Variants in KIRREL3 observed in about 807,000 individuals in gnomAD.
The protein encoded by KIRREL3 is kin of IRRE-like protein 3.
Under a neutral mutation model 89.7 loss-of-function variants are expected in KIRREL3, and 36 were observed. The ratio of observed to expected loss-of-function variants is 0.40; its 90% CI spans 0.31 to 0.53. The LOEUF (loss-of-function observed/expected upper bound fraction) is 0.53, where lower values mean the gene tolerates loss of function less well. KIRREL3 is among the 20% of genes least tolerant of loss of function. KIRREL3 has a pLI of 0.49. For synonymous variants in KIRREL3, 445 were observed against 441.4 expected, an observed-to-expected ratio of 1.01 and a Z score of -0.10; for missense variants, 864 against 1,056.6, an observed-to-expected ratio of 0.82 and a Z score of 2.53.
rs1287997328 is a variant in KIRREL3 at position 126,497,131 on chromosome 11, T to TGTGA, written c.434-23666_434-23665insTCAC. 2.6e-5 allele frequency among the ~76,000 whole-genome samples: 4 copies of TGTGA among 151,176 alleles called. No individual in the cohort carries two copies. In the South Asian group the frequency reaches 6.3e-4, roughly 24 times the overall value. On this transcript the variant is annotated intron_variant, in intron 4 of 16. Transcript: ENST00000525144. ...TTGGCTGTGTGTGTGTGTGTGTGTG[T>TGTGA]GACAGAGAGAGAGCGAGAGAGTGTG...
Position 126,623,175 on chromosome 11 carries a change from C to G in KIRREL3, c.56-60263G>C, listed in dbSNP as rs929568203. ...TTTGTCTAAGGTGACAGAGCCCAAA[C>G]CCACTAACAGGACAGTTTTCTTCAC... On this transcript the variant is annotated intron_variant, in intron 1 of 16. Coordinates refer to ENST00000525144, the MANE Select transcript of KIRREL3 (RefSeq NM_032531.4). This position sits in a 1 kb window ranked among gnomAD's most constrained non-coding sequence, Gnocchi z 4.1. 1.3e-5 allele frequency among the ~76,000 whole-genome samples: 2 copies of G among 152,188 alleles called. No homozygotes were observed. Among genetic ancestry groups the G allele is most frequent in the Non-Finnish European group, 2.9e-5 (2 of 68,034 alleles).
chr11:126,473,097 CCCCTCTCCTCTTAGG>C (rs2134283105), intron 5 of KIRREL3, among the ~76,000 whole-genome samples, 197 bp downstream of exon 5: 1 of 41,794 alleles, frequency 2.4e-5, no homozygotes, highest in East Asian at 8.1e-4. Flanking sequence ...AACCCCCCAG[CCCCTCTCCTCTTAGG>C]CCCCCATCTA....
chr11:126,520,311 C>T lies in KIRREL3; in HGVS notation c.433+1004G>A, dbSNP rs1451439430. Among the ~76,000 whole-genome samples the T allele has an allele frequency of 6.6e-6, 1 of 152,210 alleles. No individual in the cohort carries two copies. Among genetic ancestry groups the T allele is most frequent in the Non-Finnish European group, 1.5e-5 (1 of 68,034 alleles). ...TTCCCACTTCCCTCCTGCACGCGTGCCTGGCACAGACTCACGTGTAAGGGG... is the reference window on the plus strand; with the variant it reads ...TTCCCACTTCCCTCCTGCACGCGTGTCTGGCACAGACTCACGTGTAAGGGG... On this transcript the variant is annotated intron_variant, in intron 4 of 16. Coordinates refer to ENST00000525144, the MANE Select transcript of KIRREL3 (RefSeq NM_032531.4). This position sits in a 1 kb window ranked among gnomAD's most constrained non-coding sequence, Gnocchi z 4.9.
intron 1 of KIRREL3, among the ~76,000 whole-genome samples, chr11:126,971,117 G>T (rs2135213842): frequency 6.6e-6 from 1 of 152,228 alleles, no homozygotes; most frequent in East Asian, 1.9e-4. Flanking sequence ...TATTTAGGTG[G>T]TTTTTGACTA....
At chr11:126,510,604 C>A (rs1456405139) in intron 4 of KIRREL3, among the ~76,000 whole-genome samples, 1 of 152,104 alleles carries the variant, frequency 6.6e-6, no homozygotes, top group African/African-American at 2.4e-5. Flanking sequence ...GCTACCCTGG[C>A]TCTGTTTCCA....
At chr11:126,648,994 T>C (rs1402481715) in intron 1 of KIRREL3, among the ~76,000 whole-genome samples, 1 of 152,128 alleles carries the variant, frequency 6.6e-6, no homozygotes, top group Non-Finnish European at 1.5e-5. Flanking sequence ...TCCACATGGG[T>C]GGGGAGGCCT....
In KIRREL3 at chr11:126,669,636, CA is replaced by C. The variant is rs1479528491; in HGVS notation, c.56-106725del. Among the ~76,000 whole-genome samples, 1 of 152,164 alleles carries C rather than the reference CA, an allele frequency of 6.6e-6. No homozygotes were observed. The highest frequency in any genetic ancestry group is 1.5e-5 in the Non-Finnish European group (1 of 68,044). ...AAGCCCTCCCACGAGTCAGATTACCCAGTCAGCCAGTAAATGTTGGAGGACT... is the reference window on the plus strand; with the variant it reads ...AAGCCCTCCCACGAGTCAGATTACCCGTCAGCCAGTAAATGTTGGAGGACT... On this transcript the variant is annotated intron_variant, in intron 1 of 16. Coordinates refer to ENST00000525144, the MANE Select transcript of KIRREL3 (RefSeq NM_032531.4). This position sits in a 1 kb window ranked among gnomAD's most constrained non-coding sequence, Gnocchi z 5.0.
chr11:126,580,444 G>C (rs552090456), intron 1 of KIRREL3, among the ~76,000 whole-genome samples: 9 of 152,292 alleles, frequency 5.9e-5, no homozygotes, highest in African/African-American at 1.9e-4. Context: ...AATGGCTTGA[G>C]CCAAGGGTTC....
chr11:126,448,279 C>CAAAAAAAAAAA (rs55787866), intron 8 of KIRREL3, among the ~76,000 whole-genome samples: 12 of 95,334 alleles, frequency 1.3e-4, no homozygotes, highest in South Asian at 7.0e-4. Context: ...GAGACTGTCT[C>CAAAAAAAAAAA]AAAAAAAAAA....
chr11:126,686,835 TC>T lies in KIRREL3; in HGVS notation c.56-123924del, dbSNP rs763286514. On this transcript the variant is annotated intron_variant, in intron 1 of 16. Coordinates refer to ENST00000525144, the MANE Select transcript of KIRREL3 (RefSeq NM_032531.4). This position sits in a 1 kb window ranked among gnomAD's most constrained non-coding sequence, Gnocchi z 4.7. ...CTCAAGTGATTCACCCACCTTGGCC[TC>T]CCAAAGTGCCAGGATTACAGGTGTG... 1.4e-3 allele frequency among the ~76,000 whole-genome samples: 215 copies of T among 152,290 alleles called. 1 individual carries two copies. In the Middle Eastern group the frequency reaches 0.017, roughly 12 times the overall value.
Position 126,531,524 on chromosome 11 carries a change from T to A in KIRREL3, c.134-4837A>T, listed in dbSNP as rs1892931. ...GTCACCTGCCTCGAGTTCTCCTCGATGTTTCATTGTCCTGGGATGCACTGC... is the reference window on the plus strand; with the variant it reads ...GTCACCTGCCTCGAGTTCTCCTCGAAGTTTCATTGTCCTGGGATGCACTGC... On this transcript the variant is annotated intron_variant, in intron 2 of 16. Transcript: ENST00000525144. This position sits in a 1 kb window ranked among gnomAD's most constrained non-coding sequence, Gnocchi z 4.7. Among the ~76,000 whole-genome samples the A allele has an allele frequency of 6.6e-6, 1 of 150,570 alleles. No individual in the cohort carries two copies. Among genetic ancestry groups the A allele is most frequent in the East Asian group, 2.0e-4 (1 of 4,998 alleles).
chr11:126,474,986 C>T lies in KIRREL3; in HGVS notation c.434-1520G>A, dbSNP rs1957024512. Among the ~76,000 whole-genome samples the T allele has an allele frequency of 6.6e-6, 1 of 152,166 alleles. No individual in the cohort carries two copies. Among genetic ancestry groups the T allele is most frequent in the Non-Finnish European group, 1.5e-5 (1 of 68,020 alleles). On this transcript the variant is annotated intron_variant, in intron 4 of 16. Coordinates refer to ENST00000525144, the MANE Select transcript of KIRREL3 (RefSeq NM_032531.4). This position sits in a 1 kb window ranked among gnomAD's most constrained non-coding sequence, Gnocchi z 6.7. Reference sequence around the variant, plus strand: ...TGAGGCGACTGTCCTCTGAGGAATCCCTGTTTCCCTTACCCCAGGAGGAGC... The same window carrying T: ...TGAGGCGACTGTCCTCTGAGGAATCTCTGTTTCCCTTACCCCAGGAGGAGC...
rs919260746 is a variant in KIRREL3, at chr11:126,429,266, G to A, written c.1719C>T (p.Ala573=). ...CAATTTCCACTCGGATATCATTTTT[G>A]GCTGACACAACACCTTTGAGATCTG... ...SQRNLKGVVS[A]KNDIRVEIVH... The change falls in exon 15 of 17, where the codon GCC becomes GCT. Residue 573 remains alanine, a synonymous_variant. Coordinates refer to ENST00000525144, the MANE Select transcript of KIRREL3 (RefSeq NM_032531.4). The surrounding 1 kb of genome is among the most constrained non-coding windows in gnomAD (Gnocchi z 5.2). 14 of 1,613,452 alleles carry A rather than the reference G, an allele frequency of 8.7e-6. No homozygotes were observed. The highest frequency in any genetic ancestry group is 1.2e-5 in the Non-Finnish European group (14 of 1,179,524).
chr11:126,735,372 A>G (rs547866318), intron 1 of KIRREL3, among the ~76,000 whole-genome samples: 1 of 152,290 alleles, frequency 6.6e-6, no homozygotes, highest in African/African-American at 2.4e-5. Flanking sequence ...AACAGAGACC[A>G]TTGCATGACC....
At chr11:126,512,925 G>A (rs1431344166) in intron 4 of KIRREL3, among the ~76,000 whole-genome samples, 1 of 152,156 alleles carries the variant, frequency 6.6e-6, no homozygotes, top group Non-Finnish European at 1.5e-5. Context: ...TGGAGAGGGC[G>A]GGCCCTGAGA....
In KIRREL3 at chr11:126,761,555, G is replaced by A. The variant is rs191084857; in HGVS notation, c.56-198643C>T. ...GGGAAGTGTCAAGATTAGTAAACAGGAAGAGGATTTGGAAGCTAAATGCAT... is the reference window on the plus strand; with the variant it reads ...GGGAAGTGTCAAGATTAGTAAACAGAAAGAGGATTTGGAAGCTAAATGCAT... On this transcript the variant is annotated intron_variant, in intron 1 of 16. Transcript: ENST00000525144. This position sits in a 1 kb window ranked among gnomAD's most constrained non-coding sequence, Gnocchi z 4.4. 6.6e-6 allele frequency among the ~76,000 whole-genome samples: 1 copy of A among 152,222 alleles called. No homozygotes were observed.
intron 1 of KIRREL3, among the ~76,000 whole-genome samples, chr11:126,745,589 C>G (rs919429130): frequency 3.3e-5 from 5 of 151,978 alleles, no homozygotes; most frequent in African/African-American, 1.2e-4. Flanking sequence ...CTCTTTATTT[C>G]CCCTGTAAAT....
Position 126,423,443 on chromosome 11 carries a change from C to G in KIRREL3, c.*1137G>C, listed in dbSNP as rs1954801336. The G allele has an allele frequency of 6.6e-6, 1 of 152,172 alleles. No individual in the cohort carries two copies. The highest frequency in any genetic ancestry group is 2.4e-5 in the African/African-American group (1 of 41,436). The allele number at this position is 152,172 out of a possible 1,614,324, so 9.4% of individuals were successfully genotyped here. ...TTGGGTTCCCAACGCATTCTATGAG[C>G]TCTTGGGTTCTTCCTGTGGCTTTGT... On this transcript the variant is annotated 3_prime_UTR_variant, in exon 17 of 17. Transcript: ENST00000525144.
intron 1 of KIRREL3, among the ~76,000 whole-genome samples, chr11:126,845,022 G>A (rs1170327134): frequency 1.3e-5 from 2 of 152,022 alleles, no homozygotes; most frequent in East Asian, 3.9e-4. Flanking sequence ...GTTACTCAGG[G>A]CAACCATCTT....
Sources: gnomAD v4.1 joint callset for allele counts (sites outside exome capture counted in the v4.1 genomes callset) on GRCh38, gnomAD v4.1.1 for gene constraint, Gnocchi (gnomAD v3.1) non-coding constraint, MANE v1.5 for transcripts, NCBI Gene and HGNC (gene_info 2026-07-23, HGNC 2026-07-21) for gene names.